XKR9: variants seen among roughly 807,000 people sequenced by gnomAD.
XKR9 encodes the protein XK related 9.
In XKR9, 32 loss-of-function variants were observed where a neutral mutation model predicts 32.0. The observed-to-expected ratio is 1.00, with a 90% confidence interval of 0.76 to 1.34. The LOEUF (loss-of-function observed/expected upper bound fraction) is 1.34. Among genes scored for constraint, XKR9 ranks in the 40% most tolerant of loss-of-function variants. The pLI is 0.00. For missense variants in XKR9, 546 were observed against 429.7 expected (o/e 1.27, Z -2.39); for synonymous variants, 168 against 143.4 (o/e 1.17, Z -1.22).
At chr8:70,872,294 C>A in the XKR9 span, among the ~76,000 whole-genome samples, 14 of 152,286 alleles carry the variant, frequency 9.2e-5, no homozygotes, top group African/African-American at 3.4e-4. Context: ...CAAAGCCCAG[C>A]CCAGAGCAAA....
At chr8:70,760,259 G>A (rs1001951473) in intron 2 of XKR9, among the ~76,000 whole-genome samples, 8 of 152,066 alleles carry the variant, frequency 5.3e-5, no homozygotes, top group Non-Finnish European at 1.0e-4. Flanking sequence ...AAAGTGCTAA[G>A]GCTACTGATA....
At chr8:70,814,549 G>C in the XKR9 span, among the ~76,000 whole-genome samples, 1 of 150,334 alleles carries the variant, frequency 6.7e-6, no homozygotes, top group Admixed American at 6.6e-5. Context: ...ACAAATTACA[G>C]TCTCTTTCTG....
chr8:70,716,388 A>G (rs1275533391), intron 4 of XKR9, among the ~76,000 whole-genome samples: 2 of 152,106 alleles, frequency 1.3e-5, no homozygotes, highest in Non-Finnish European at 2.9e-5. Context: ...TGGGTAATTT[A>G]TAAAGAAAAT....
intron 2 of XKR9, among the ~76,000 whole-genome samples, chr8:70,761,172 A>G (rs1181143878): frequency 6.6e-6 from 1 of 152,246 alleles, no homozygotes; most frequent in Non-Finnish European, 1.5e-5. Flanking sequence ...TGCAATGAAC[A>G]TACACATGCA....
the XKR9 span, among the ~76,000 whole-genome samples, chr8:70,834,177 A>T: frequency 2.0e-5 from 3 of 151,922 alleles, no homozygotes; most frequent in Non-Finnish European, 2.9e-5. Context: ...TTGCACTTAA[A>T]ATCTTGAAAC....
the XKR9 span, among the ~76,000 whole-genome samples, chr8:70,970,545 A>G: frequency 6.6e-6 from 1 of 151,772 alleles, no homozygotes; most frequent in Admixed American, 6.6e-5. Flanking sequence ...TTCATCTCCC[A>G]CTTATGAATG....
At chr8:70,787,669 C>T (rs1383357148) in intron 2 of XKR9, among the ~76,000 whole-genome samples, 1 of 152,080 alleles carries the variant, frequency 6.6e-6, no homozygotes, top group Non-Finnish European at 1.5e-5. Context: ...TGGCTGTGGT[C>T]CATTTTATGC....
At chr8:70,750,952 C>T (rs62532068) in intron 2 of XKR9, among the ~76,000 whole-genome samples, 50,263 of 151,948 alleles carry the variant, frequency 0.33, 9,431 homozygotes, top group Non-Finnish European at 0.43. Context: ...TATTGCTCTC[C>T]GTAGTGTGGT....
chr8:70,698,518 G>A (rs1293928598), intron 3 of XKR9, among the ~76,000 whole-genome samples: 2 of 152,138 alleles, frequency 1.3e-5, no homozygotes, highest in African/African-American at 4.8e-5. Context: ...TTAATCCTGA[G>A]TTCTAGTTTG....
the XKR9 span, among the ~76,000 whole-genome samples, chr8:70,812,483 G>T: frequency 6.6e-6 from 1 of 152,154 alleles, no homozygotes; most frequent in Non-Finnish European, 1.5e-5. Context: ...ATTCAATGAG[G>T]AAAAGAGGAA....
At chr8:70,853,045 A>G in the XKR9 span, among the ~76,000 whole-genome samples, 48,500 of 152,020 alleles carry the variant, frequency 0.32, 9,093 homozygotes, top group Non-Finnish European at 0.43. Flanking sequence ...CATATACACA[A>G]TGGAATACTA....
At chr8:70,978,524 G>A in the XKR9 span, among the ~76,000 whole-genome samples, 2 of 152,284 alleles carry the variant, frequency 1.3e-5, no homozygotes, top group Admixed American at 1.3e-4. Context: ...GAAATTCTGG[G>A]TTGAAAATTC....
the XKR9 span, among the ~76,000 whole-genome samples, chr8:70,906,545 G>A: frequency 2.1e-3 from 313 of 152,276 alleles, no homozygotes; most frequent in Non-Finnish European, 3.3e-3. Flanking sequence ...ATCATTTGCC[G>A]ACTTGCAGGG....
At chr8:71,028,152 G>A in the XKR9 span, among the ~76,000 whole-genome samples, 2 of 152,172 alleles carry the variant, frequency 1.3e-5, no homozygotes, top group Non-Finnish European at 2.9e-5. Flanking sequence ...ATCACCTTGG[G>A]TAGTATGGAC....
intron 2 of XKR9, among the ~76,000 whole-genome samples, chr8:70,760,199 GT>G (rs1807289149): frequency 6.6e-6 from 1 of 151,944 alleles, no homozygotes; most frequent in Admixed American, 6.6e-5. Flanking sequence ...TTCTTATTCA[GT>G]TTACTCGTAA....
chr8:70,983,969 G>C, the XKR9 span, among the ~76,000 whole-genome samples: 20 of 152,114 alleles, frequency 1.3e-4, no homozygotes, highest in Admixed American at 3.9e-4. Flanking sequence ...AATCATGATG[G>C]AAACAAAATA....
chr8:70,739,814 GT>G (rs1806937936), downstream of XKR9, among the ~76,000 whole-genome samples: 1 of 152,190 alleles, frequency 6.6e-6, no homozygotes, highest in Admixed American at 6.5e-5. Flanking sequence ...CTTCTGGCTT[GT>G]AGAGTTTCTG....
intron 2 of XKR9, among the ~76,000 whole-genome samples, chr8:70,781,971 G>T (rs1029629398): frequency 1.3e-5 from 2 of 152,188 alleles, no homozygotes; most frequent in Non-Finnish European, 2.9e-5. Flanking sequence ...TATGTGGTTA[G>T]AACTTTACAA....
At chr8:71,034,749 G>A in the XKR9 span, among the ~76,000 whole-genome samples, 10 of 151,990 alleles carry the variant, frequency 6.6e-5, no homozygotes, top group African/African-American at 2.4e-4. Flanking sequence ...CTGCGGTCCC[G>A]GACGTCATGG....
Sources: allele counts gnomAD v4.1 joint callset (sites outside exome capture counted in the v4.1 genomes callset), GRCh38; gene constraint gnomAD v4.1.1; transcripts MANE v1.5; gene names NCBI Gene and HGNC (gene_info 2026-07-23, HGNC 2026-07-21).